Variants in CCDC57 observed in about 807,000 individuals in gnomAD.
CCDC57 encodes coiled-coil domain containing 57.
A neutral mutation model predicts 118.9 loss-of-function variants in CCDC57; 118 were observed. The observed-to-expected ratio is 0.99, with a 90% confidence interval of 0.86 to 1.16. The LOEUF (loss-of-function observed/expected upper bound fraction) is 1.16. Among genes scored for constraint, CCDC57 ranks in the 50% most tolerant of loss-of-function variants. The pLI, the probability that CCDC57 is intolerant of heterozygous loss-of-function variation, is 0.00. For missense variants in CCDC57, 1,300 were observed against 1,320.7 expected (o/e 0.98, Z 0.24); for synonymous variants, 527 against 532.9 (o/e 0.99, Z 0.15).
intron 7 of CCDC57, among the ~76,000 whole-genome samples, chr17:82,191,486 G>T (rs575873889): frequency 1.3e-5 from 2 of 152,246 alleles, no homozygotes; most frequent in South Asian, 2.1e-4. Flanking sequence ...GAATTACAAT[G>T]TATTTCTGTC....
chr17:82,129,080 G>A (rs1201963899), intron 17 of CCDC57, among the ~76,000 whole-genome samples: 3 of 152,050 alleles, frequency 2.0e-5, no homozygotes, highest in South Asian at 2.1e-4. Context: ...CACCATGCCC[G>A]GCTAGTTTTT....
intron 16 of CCDC57, among the ~76,000 whole-genome samples, chr17:82,145,026 C>CTTTT (rs63184860): frequency 1.0e-4 from 12 of 120,264 alleles, no homozygotes; most frequent in Non-Finnish European, 1.5e-4. Context: ...TTTTTTTTTT[C>CTTTT]TTTTTTTTTT....
intron 16 of CCDC57, among the ~76,000 whole-genome samples, chr17:82,137,095 G>A (rs917263333): frequency 1.4e-5 from 2 of 141,946 alleles, no homozygotes; most frequent in African/African-American, 2.6e-5. Flanking sequence ...TTGGCTCACT[G>A]CAACCTCCAC....
At chr17:82,188,885 C>T (rs1211580289) in intron 7 of CCDC57, among the ~76,000 whole-genome samples, 1 of 152,240 alleles carries the variant, frequency 6.6e-6, no homozygotes, top group Non-Finnish European at 1.5e-5. Context: ...TGGCCTTGAA[C>T]TCAAGCAATC....
At chr17:82,166,324 A>T (rs2043977583) in intron 13 of CCDC57, among the ~76,000 whole-genome samples, 1 of 149,044 alleles carries the variant, frequency 6.7e-6, no homozygotes, top group Non-Finnish European at 1.5e-5. Flanking sequence ...AGCCTGGGCA[A>T]CATAGTGAAA....
At chr17:82,130,907 G>A (rs1398668951) in intron 17 of CCDC57, among the ~76,000 whole-genome samples, 2 of 150,132 alleles carry the variant, frequency 1.3e-5, no homozygotes, top group Non-Finnish European at 1.5e-5. Context: ...TGCCTCCTAG[G>A]TTCAAGTGAT....
intron 2 of CCDC57, among the ~76,000 whole-genome samples, chr17:82,204,213 C>T (rs1166001629): frequency 1.3e-5 from 2 of 152,324 alleles, no homozygotes; most frequent in East Asian, 3.9e-4. Flanking sequence ...CCTGGACCAC[C>T]TCAGCCTGGC....
rs1218574644 is a variant in CCDC57, at chr17:82,118,909, TTTGCC to T, written c.2899+8778_2899+8782del. Among the ~76,000 whole-genome samples, 2 of 151,666 alleles carry T rather than the reference TTTGCC, an allele frequency of 1.3e-5. No homozygotes were observed. Among genetic ancestry groups the T allele is most frequent in the African/African-American group, 4.9e-5 (2 of 41,212 alleles). ...ATTCTACTTCTGCGTATTTTCGTGG[TTTGCC>T]TTGGAGTCCCTCCCTCGCCCTGGAA... is the stretch of plus-strand genomic sequence containing the variant. On this transcript the variant is annotated intron_variant, in intron 19 of 19. Transcript: ENST00000665763. This position sits in a 1 kb window ranked among gnomAD's most constrained non-coding sequence, Gnocchi z 4.7.
chr17:82,170,265 T>A (rs1227105698), intron 13 of CCDC57, among the ~76,000 whole-genome samples: 1 of 152,052 alleles, frequency 6.6e-6, no homozygotes, highest in Non-Finnish European at 1.5e-5. Context: ...ATCCCAGCAC[T>A]TTGGGAGGCT....
At chr17:82,173,945 T>C (rs1236742973) in intron 11 of CCDC57, among the ~76,000 whole-genome samples, 1 of 152,200 alleles carries the variant, frequency 6.6e-6, no homozygotes, top group Non-Finnish European at 1.5e-5. Flanking sequence ...GCCATGAGTC[T>C]TTCCCTGCGG....
chr17:82,119,196 A>G (rs1424447682), intron 19 of CCDC57, among the ~76,000 whole-genome samples: 1 of 151,612 alleles, frequency 6.6e-6, no homozygotes, highest in Non-Finnish European at 1.5e-5. Context: ...TTTACTTTGG[A>G]GAAAACTGCT....
exon 17 of CCDC57, chr17:82,134,162 G>A (rs1260883793): frequency 2.2e-6 from 3 of 1,352,348 alleles, no homozygotes; most frequent in Non-Finnish European, 2.9e-6. Context: ...CGGGCCTCAG[G>A]GGCAGGAGGG....
intron 16 of CCDC57, among the ~76,000 whole-genome samples, chr17:82,144,294 C>A (rs752724594): frequency 1.3e-5 from 2 of 151,898 alleles, no homozygotes; most frequent in Non-Finnish European, 2.9e-5. Context: ...GGTGTCAGAG[C>A]GAGACCCCAT....
chr17:82,203,833 C>T (rs2049276677), intron 2 of CCDC57, among the ~76,000 whole-genome samples: 1 of 152,200 alleles, frequency 6.6e-6, no homozygotes, highest in African/African-American at 2.4e-5. Flanking sequence ...CGGGGTGCTG[C>T]TGCCAGAGCA....
At chr17:82,128,114 T>C (rs570125162) in intron 18 of CCDC57, among the ~76,000 whole-genome samples, 45 of 151,948 alleles carry the variant, frequency 3.0e-4, no homozygotes, top group African/African-American at 1.1e-3. Context: ...GAACGCTGAG[T>C]GTGGGCAGGG....
At chr17:82,124,415 C>T (rs752282061) in intron 19 of CCDC57, among the ~76,000 whole-genome samples, 1 of 152,182 alleles carries the variant, frequency 6.6e-6, no homozygotes, top group Non-Finnish European at 1.5e-5. Context: ...ATCAACGACA[C>T]GACTCTGCTG....
At chr17:82,182,268 T>C (rs1473266876) in intron 9 of CCDC57, among the ~76,000 whole-genome samples, 1 of 144,812 alleles carries the variant, frequency 6.9e-6, no homozygotes, top group Non-Finnish European at 1.5e-5. Context: ...TTTCAGTCAA[T>C]GGAAGTATTT....
intron 17 of CCDC57, among the ~76,000 whole-genome samples, chr17:82,131,358 G>T (rs1357478774): frequency 1.3e-5 from 2 of 151,916 alleles, no homozygotes; most frequent in Admixed American, 6.6e-5. Flanking sequence ...TTGAACCTGG[G>T]AGGCAGAGGT....
intron 15 of CCDC57, chr17:82,156,753 C>T (rs909601083): frequency 6.6e-6 from 1 of 152,474 alleles, no homozygotes; most frequent in African/African-American, 2.4e-5. Flanking sequence ...TGTTGTACCC[C>T]TGAGGCATCC....
Sources: gnomAD v4.1 joint callset for allele counts (sites outside exome capture counted in the v4.1 genomes callset) on GRCh38, gnomAD v4.1.1 for gene constraint, Gnocchi (gnomAD v3.1) non-coding constraint, MANE v1.5 for transcripts, NCBI Gene and HGNC (gene_info 2026-07-23, HGNC 2026-07-21) for gene names.